NCKAP5: variants seen among roughly 807,000 people sequenced by gnomAD.
The protein encoded by NCKAP5 is nck-associated protein 5.
Under a neutral mutation model 167.0 loss-of-function variants are expected in NCKAP5, and 92 were observed. The observed-to-expected ratio is 0.55, with a 90% CI of 0.47 to 0.66. NCKAP5 has a LOEUF of 0.66. Among genes scored for constraint, NCKAP5 ranks in the 30% least tolerant of loss-of-function variants. The pLI, the probability that NCKAP5 is intolerant of heterozygous loss-of-function variation, is 0.00. For synonymous variants in NCKAP5, 891 were observed against 877.4 expected (o/e 1.02, Z -0.27); for missense variants, 2,378 against 2,315.0 (o/e 1.03, Z -0.56).
chr2:132,904,245 G>A (rs532414064), intron 8 of NCKAP5, among the ~76,000 whole-genome samples: 58 of 150,526 alleles, frequency 3.9e-4, no homozygotes, highest in Non-Finnish European at 6.0e-4. Context: ...CTGAGATGGC[G>A]CCACTGCACT....
At chr2:133,074,482 T>C (rs953613853) in intron 6 of NCKAP5, among the ~76,000 whole-genome samples, 2 of 152,116 alleles carry the variant, frequency 1.3e-5, no homozygotes, top group African/African-American at 4.8e-5. Flanking sequence ...CACCTCAGCC[T>C]CCTGAGTAGC....
intron 19 of NCKAP5, among the ~76,000 whole-genome samples, chr2:132,705,591 A>C (rs1212588265): frequency 1.3e-5 from 2 of 152,232 alleles, no homozygotes; most frequent in Non-Finnish European, 2.9e-5. Context: ...TTAAAATGTA[A>C]GTTGCTTTGC....
At chr2:133,216,510 G>A (rs2086436147) in intron 4 of NCKAP5, among the ~76,000 whole-genome samples, 2 of 152,066 alleles carry the variant, frequency 1.3e-5, no homozygotes, top group South Asian at 4.1e-4. Flanking sequence ...GCCAATGGCA[G>A]GAAGTGACAA....
intron 4 of NCKAP5, among the ~76,000 whole-genome samples, chr2:133,290,577 G>A (rs1679509061): frequency 6.6e-6 from 1 of 152,018 alleles, no homozygotes; most frequent in African/African-American, 2.4e-5. Flanking sequence ...CTTTCTAATA[G>A]TATCTTGAAA....
At chr2:133,407,537 G>A (rs868315860) in intron 3 of NCKAP5, among the ~76,000 whole-genome samples, 5 of 152,310 alleles carry the variant, frequency 3.3e-5, no homozygotes, top group South Asian at 4.1e-4. Context: ...CCCTCTCCAC[G>A]TGGTGCAGGC....
At chr2:132,922,449 C>G (rs908953254) in intron 8 of NCKAP5, among the ~76,000 whole-genome samples, 58 of 152,258 alleles carry the variant, frequency 3.8e-4, no homozygotes, top group Middle Eastern at 3.4e-3. Flanking sequence ...GCTTAAAATA[C>G]TTTAATGAGA....
At chr2:133,351,616 G>T (rs1684367819) in intron 3 of NCKAP5, among the ~76,000 whole-genome samples, 2 of 152,076 alleles carry the variant, frequency 1.3e-5, no homozygotes, top group Admixed American at 6.6e-5. Flanking sequence ...TTTCCTAAAA[G>T]ACACACAAGG....
At chr2:132,863,358 A>T (rs956282845) in intron 10 of NCKAP5, among the ~76,000 whole-genome samples, 6 of 152,000 alleles carry the variant, frequency 3.9e-5, no homozygotes, top group African/African-American at 1.4e-4. Context: ...TACAGTGTGG[A>T]TATGCAAGTA....
At chr2:133,345,416 T>C (rs74351772) in intron 3 of NCKAP5, among the ~76,000 whole-genome samples, 4,641 of 152,278 alleles carry the variant, frequency 0.03, 235 homozygotes, top group African/African-American at 0.1. Flanking sequence ...AACAAACTAA[T>C]AGAGATTTCC....
At chr2:133,156,202 A>T (rs909187119) in intron 5 of NCKAP5, among the ~76,000 whole-genome samples, 1 of 152,018 alleles carries the variant, frequency 6.6e-6, no homozygotes, top group African/African-American at 2.4e-5. Flanking sequence ...TAGAGGGAAA[A>T]CTCACCTTCT....
chr2:132,949,418 C>T (rs573510576), intron 8 of NCKAP5, among the ~76,000 whole-genome samples: 11 of 152,246 alleles, frequency 7.2e-5, no homozygotes, highest in African/African-American at 2.6e-4. Flanking sequence ...CCCCTGTGCC[C>T]CAGAGCCTGC....
In NCKAP5 at chr2:133,517,483, C is replaced by G. The variant is rs1558747120; in HGVS notation, c.44G>C (p.Arg15Thr). Residue 15 changes from arginine (R) to threonine (T), a missense_variant, in exon 3 of 20, where the codon AGG becomes ACG. Transcript: ENST00000409261. The stretch of plus-strand genomic sequence containing the variant: ...CACAAGACTGCTGTCTAGAGACAGC[C>G]TTTTTCCAAAGTCCCTTTTCTCAAG... ...RQLEKRDFGK[R>T]LSLDSSLVEY... 3 of 1,529,296 alleles carry G rather than the reference C, an allele frequency of 2.0e-6. No individual in the cohort carries two copies. Among genetic ancestry groups the G allele is most frequent in the East Asian group, 4.8e-5 (2 of 41,546 alleles). 94.7% of individuals were successfully genotyped at this position (1,529,296 alleles called of 1,614,324 possible).
rs1282437827 is a variant in NCKAP5, at chr2:132,782,318, G to C, written c.4493C>G (p.Ala1498Gly). The C allele has an allele frequency of 6.2e-7, 1 of 1,614,042 alleles. No individual in the cohort carries two copies. The highest frequency in any genetic ancestry group is 1.1e-5 in the South Asian group (1 of 91,080). Residue 1498 changes from alanine (A) to glycine (G), a missense_variant, in exon 14 of 20, where the codon GCA (alanine) becomes GGA (glycine). Around this residue, in one of 3 missense-constraint regions of NCKAP5, gnomAD observed 1,325 missense variants for 1,274.5 expected, o/e 1.04. Coordinates refer to ENST00000409261, the MANE Select transcript of NCKAP5 (RefSeq NM_207363.3). ...QVQTKPTSVE[A>G]KQKPGPSFAS... Reference sequence around the variant, plus strand: ...AAAAGAAGGCCCAGGCTTCTGCTTTGCTTCCACAGAGGTGGGCTTTGTTTG... The same window carrying C: ...AAAAGAAGGCCCAGGCTTCTGCTTTCCTTCCACAGAGGTGGGCTTTGTTTG...
the NCKAP5 span, among the ~76,000 whole-genome samples, chr2:133,631,201 A>G: frequency 6.6e-6 from 1 of 152,246 alleles, no homozygotes; most frequent in African/African-American, 2.4e-5. Flanking sequence ...AAATGTGTAT[A>G]TGGGTTATAT....
At chr2:132,704,417 C>G (rs564992746) in intron 19 of NCKAP5, among the ~76,000 whole-genome samples, 2 of 152,300 alleles carry the variant, frequency 1.3e-5, no homozygotes, top group African/African-American at 4.8e-5. Flanking sequence ...CAATACAACT[C>G]TAGCCACAAA....
intron 10 of NCKAP5, among the ~76,000 whole-genome samples, chr2:132,865,821 C>G (rs983166236): frequency 2.6e-5 from 4 of 151,394 alleles, no homozygotes; most frequent in Admixed American, 2.0e-4. Flanking sequence ...TATGAGCAAA[C>G]TTTTTTTTTA....
intron 6 of NCKAP5, among the ~76,000 whole-genome samples, chr2:133,027,256 C>A (rs559026088): frequency 6.6e-6 from 1 of 152,298 alleles, no homozygotes; most frequent in Non-Finnish European, 1.5e-5. Flanking sequence ...GCATGTAACA[C>A]CCATGAACCA....
intron 3 of NCKAP5, among the ~76,000 whole-genome samples, chr2:133,408,973 T>C (rs1203160606): frequency 1.3e-5 from 2 of 152,200 alleles, no homozygotes; most frequent in Admixed American, 6.5e-5. Context: ...GGACTATGAA[T>C]GAGGAATAAA....
intron 3 of NCKAP5, among the ~76,000 whole-genome samples, chr2:133,496,113 T>C (rs1180442129): frequency 1.3e-5 from 2 of 152,222 alleles, no homozygotes; most frequent in Admixed American, 1.3e-4. Context: ...CAGACGTTAC[T>C]TGCTTAACAA....
Sources: gnomAD v4.1 joint callset for allele counts (sites outside exome capture counted in the v4.1 genomes callset) on GRCh38, gnomAD v4.1.1 for gene constraint, gnomAD v4.1.1 regional missense constraint, MANE v1.5 for transcripts, NCBI Gene and HGNC (gene_info 2026-07-23, HGNC 2026-07-21) for gene names.